PPP3CA: variants seen among roughly 807,000 people sequenced by gnomAD.
The protein encoded by PPP3CA is CAM-PRP catalytic subunit.
PPP3CA carries 14 observed loss-of-function variants against 66.5 expected under a neutral mutation model. That is an observed-to-expected ratio of 0.21 (90% CI 0.14 to 0.33). PPP3CA has a LOEUF of 0.33. Ranked by LOEUF, PPP3CA falls within the 10% of genes least tolerant of loss-of-function variation. The pLI is 1.00. For synonymous variants in PPP3CA, 232 were observed against 226.2 expected, an observed-to-expected ratio of 1.03 and a Z score of -0.23; for missense variants, 317 against 639.5, an observed-to-expected ratio of 0.50 and a Z score of 5.44.
chr4:101,057,099 G>A (rs1380572992), intron 10 of PPP3CA, among the ~76,000 whole-genome samples: 2 of 151,396 alleles, frequency 1.3e-5, no homozygotes, highest in Non-Finnish European at 2.9e-5. Flanking sequence ...GTGTCACCCA[G>A]GTTGGAGTGC....
chr4:101,296,839 T>C (rs960852322), intron 1 of PPP3CA, among the ~76,000 whole-genome samples: 7 of 152,210 alleles, frequency 4.6e-5, no homozygotes, highest in African/African-American at 1.7e-4. Flanking sequence ...TAGCTGAAGT[T>C]AGTCAATGAC....
At chr4:101,333,953 A>ACACAC (rs1729540518) in intron 1 of PPP3CA, among the ~76,000 whole-genome samples, 1 of 152,238 alleles carries the variant, frequency 6.6e-6, no homozygotes, top group Non-Finnish European at 1.5e-5. Flanking sequence ...AACACAGTGC[A>ACACAC]GAGCCACACA....
intron 1 of PPP3CA, among the ~76,000 whole-genome samples, chr4:101,334,138 C>A (rs963695280): frequency 6.9e-5 from 10 of 145,396 alleles, no homozygotes; most frequent in Non-Finnish European, 1.4e-4. Flanking sequence ...CCAAGTGACA[C>A]TTTTTTTTTT....
intron 2 of PPP3CA, among the ~76,000 whole-genome samples, chr4:101,164,030 G>T (rs1723606156): frequency 6.3e-5 from 1 of 15,914 alleles, no homozygotes; most frequent in South Asian, 2.0e-3. Context: ...ACCCAGGCTG[G>T]AGTGCAGTGG....
intron 2 of PPP3CA, among the ~76,000 whole-genome samples, chr4:101,124,761 A>G (rs868210112): frequency 1.6e-4 from 20 of 128,246 alleles, no homozygotes; most frequent in South Asian, 8.0e-4. Flanking sequence ...GAAAGAAAGA[A>G]AGAAAGAAAG....
intron 1 of PPP3CA, among the ~76,000 whole-genome samples, chr4:101,251,044 C>T (rs1476144827): frequency 1.3e-5 from 2 of 151,972 alleles, no homozygotes; most frequent in Admixed American, 1.3e-4. Context: ...AAAAACAATA[C>T]TTCCACTTGA....
chr4:101,264,194 C>A (rs1299230712), intron 1 of PPP3CA, among the ~76,000 whole-genome samples: 1 of 152,128 alleles, frequency 6.6e-6, no homozygotes, highest in African/African-American at 2.4e-5. Context: ...ATTTTCATAT[C>A]TTTTTCCCCC....
intron 1 of PPP3CA, among the ~76,000 whole-genome samples, chr4:101,314,569 C>CAAAAAAAAAAAA (rs748980814): frequency 1.3e-5 from 1 of 75,252 alleles, no homozygotes; most frequent in Non-Finnish European, 2.5e-5. Flanking sequence ...ATCTCAAAAC[C>CAAAAAAAAAAAA]AAAAAAAAAA....
chr4:101,237,341 TTTATCCAG>T (rs1402094753), intron 1 of PPP3CA, among the ~76,000 whole-genome samples: 7 of 151,862 alleles, frequency 4.6e-5, no homozygotes, highest in African/African-American at 1.7e-4. Flanking sequence ...CTAAATTAGA[TTTATCCAG>T]TATTCCAGGG....
At chr4:101,285,048 A>G (rs1727794928) in intron 1 of PPP3CA, among the ~76,000 whole-genome samples, 1 of 152,162 alleles carries the variant, frequency 6.6e-6, no homozygotes, top group Admixed American at 6.5e-5. Flanking sequence ...CAAGAAAACC[A>G]CACAAACACA....
At chr4:101,133,357 C>T (rs1462523764) in intron 2 of PPP3CA, among the ~76,000 whole-genome samples, 1 of 152,190 alleles carries the variant, frequency 6.6e-6, no homozygotes, top group African/African-American at 2.4e-5. Context: ...AACACATCAT[C>T]TCAGCCCCAA....
chr4:101,192,885 C>T (rs1029193075), intron 2 of PPP3CA, among the ~76,000 whole-genome samples: 32 of 152,182 alleles, frequency 2.1e-4, no homozygotes, highest in Non-Finnish European at 1.0e-4. Context: ...ATAGCCATAA[C>T]TTTCAATAAG....
intron 1 of PPP3CA, among the ~76,000 whole-genome samples, chr4:101,232,051 T>C (rs868006037): frequency 6.6e-5 from 10 of 151,670 alleles, no homozygotes; most frequent in African/African-American, 2.2e-4. Context: ...ATCATCAAAT[T>C]GACCTCTGTC....
chr4:101,312,500 T>A (rs1728760618), intron 1 of PPP3CA, among the ~76,000 whole-genome samples: 2 of 151,912 alleles, frequency 1.3e-5, no homozygotes, highest in Admixed American at 1.3e-4. Flanking sequence ...TAAAAATAAA[T>A]AAAATACCTA....
At chr4:101,314,806 T>G (rs1417620721) in intron 1 of PPP3CA, among the ~76,000 whole-genome samples, 1 of 152,118 alleles carries the variant, frequency 6.6e-6, no homozygotes, top group East Asian at 1.9e-4. Context: ...GTATAAAAAT[T>G]CTTCTGTTTC....
intron 10 of PPP3CA, among the ~76,000 whole-genome samples, chr4:101,059,979 A>T (rs1310395754): frequency 6.6e-6 from 1 of 152,096 alleles, no homozygotes; most frequent in Non-Finnish European, 1.5e-5. Flanking sequence ...AATGACAAGG[A>T]AAAAAAGTCT....
chr4:101,246,193 T>C (rs550515631), intron 1 of PPP3CA, among the ~76,000 whole-genome samples: 1 of 152,308 alleles, frequency 6.6e-6, no homozygotes. Flanking sequence ...CAGCAAAAGG[T>C]GCATGTAGTA....
intron 1 of PPP3CA, among the ~76,000 whole-genome samples, chr4:101,321,860 A>G (rs1300131364): frequency 6.6e-6 from 1 of 152,230 alleles, no homozygotes; most frequent in Admixed American, 6.5e-5. Flanking sequence ...TACTCTGTGA[A>G]GAAAGAGGAA....
chr4:101,117,611 T>C (rs1371155571), intron 2 of PPP3CA, among the ~76,000 whole-genome samples: 2 of 151,810 alleles, frequency 1.3e-5, no homozygotes, highest in Non-Finnish European at 2.9e-5. Flanking sequence ...CATCATAGCA[T>C]TATATAAATT....
Sources: gnomAD v4.1 joint callset for allele counts (sites outside exome capture counted in the v4.1 genomes callset) on GRCh38, gnomAD v4.1.1 for gene constraint, MANE v1.5 for transcripts, NCBI Gene and HGNC (gene_info 2026-07-23, HGNC 2026-07-21) for gene names.